The following ZBTB43 variants were observed in gnomAD, a reference collection of about 807,000 sequenced individuals.
ZBTB43 encodes zinc finger and BTB domain-containing protein 43.
ZBTB43 carries 6 observed loss-of-function variants against 31.1 expected under a neutral mutation model. The observed-to-expected ratio is 0.19, with a 90% CI of 0.11 to 0.38. The LOEUF is 0.38. Ranked by LOEUF, ZBTB43 falls within the 10% of genes least tolerant of loss-of-function variation. The pLI is 1.00. For missense variants in ZBTB43, 379 were observed against 602.1 expected, an observed-to-expected ratio of 0.63 and a Z score of 3.88; for synonymous variants, 212 against 221.7, an observed-to-expected ratio of 0.96 and a Z score of 0.39.
rs1282067170 is a variant in ZBTB43, at chr9:126,835,120, A to G, written c.*1207A>G. The G allele has an allele frequency of 1.2e-5, 2 of 167,086 alleles. No homozygotes were observed. Among genetic ancestry groups the G allele is most frequent in the African/African-American group, 2.4e-5 (1 of 41,448 alleles). The allele number at this position is 167,086 out of a possible 1,614,324, so 10.4% of individuals were successfully genotyped here. On this transcript the variant is annotated 3_prime_UTR_variant, in exon 3 of 3. Transcript: ENST00000373464. ...TTATGAGCACTGGAATGTGTTTGTA[A>G]AAGGAGTCCTAAGTTTAGCAAGGTA... is the stretch of plus-strand genomic sequence containing the variant.
intron 2 of ZBTB43, among the ~76,000 whole-genome samples, chr9:126,820,499 A>G (rs899256907): frequency 2.0e-5 from 3 of 152,216 alleles, no homozygotes; most frequent in African/African-American, 7.2e-5. Flanking sequence ...CCTACTGCTC[A>G]GAAAAAGATT....
intron 2 of ZBTB43, among the ~76,000 whole-genome samples, chr9:126,810,177 C>G (rs182837294): frequency 2.7e-5 from 4 of 150,906 alleles, no homozygotes; most frequent in Non-Finnish European, 5.9e-5. Flanking sequence ...TTTGTTTGTT[C>G]ATTTGTTTGT....
At chr9:126,826,850 T>C (rs1177687860) in intron 2 of ZBTB43, among the ~76,000 whole-genome samples, 1 of 152,224 alleles carries the variant, frequency 6.6e-6, no homozygotes, top group Non-Finnish European at 1.5e-5. Context: ...CTTTTGTTCT[T>C]TGAGCATATT....
chr9:126,805,768 A>G (rs1331164460), intron 1 of ZBTB43, among the ~76,000 whole-genome samples: 1 of 152,012 alleles, frequency 6.6e-6, no homozygotes, highest in East Asian at 1.9e-4. Flanking sequence ...CCCTTACTCT[A>G]ATTCAGGGCC....
At chr9:126,826,827 T>G (rs2032652653) in intron 2 of ZBTB43, among the ~76,000 whole-genome samples, 1 of 152,216 alleles carries the variant, frequency 6.6e-6, no homozygotes, top group Non-Finnish European at 1.5e-5. Context: ...TTCTTTACTT[T>G]ATTCATTATT....
At chr9:126,827,384 C>T (rs1275395440) in intron 2 of ZBTB43, among the ~76,000 whole-genome samples, 1 of 152,216 alleles carries the variant, frequency 6.6e-6, no homozygotes, top group Non-Finnish European at 1.5e-5. Flanking sequence ...CCTTCCTCCA[C>T]CCCCTCCTCT....
chr9:126,820,384 A>G (rs1303234056), intron 2 of ZBTB43, among the ~76,000 whole-genome samples: 1 of 152,172 alleles, frequency 6.6e-6, no homozygotes, highest in East Asian at 1.9e-4. Flanking sequence ...GCCCTTAAGA[A>G]TTATGCTAAG....
At chr9:126,810,575 A>G (rs1449946035) in intron 2 of ZBTB43, among the ~76,000 whole-genome samples, 1 of 134,896 alleles carries the variant, frequency 7.4e-6, no homozygotes, top group Non-Finnish European at 1.5e-5. Context: ...ATCTTGGCTC[A>G]CTGCGACCTC....
chr9:126,822,769 T>G (rs1399958733), intron 2 of ZBTB43, among the ~76,000 whole-genome samples: 1 of 152,008 alleles, frequency 6.6e-6, no homozygotes, highest in African/African-American at 2.4e-5. Flanking sequence ...AAGAAATTGC[T>G]ACAGCCACCC....
In ZBTB43 at chr9:126,837,699, A is replaced by C. The variant is rs992053860; in HGVS notation, c.*3786A>C. The C allele has an allele frequency of 6.0e-6, 1 of 166,986 alleles. No homozygotes were observed. Among genetic ancestry groups the C allele is most frequent in the African/African-American group, 2.4e-5 (1 of 41,418 alleles). 10.3% of individuals were successfully genotyped at this position (166,986 alleles called of 1,614,324 possible). On this transcript the variant is annotated 3_prime_UTR_variant, in exon 3 of 3. Transcript: ENST00000373464. Reference sequence around the variant, plus strand: ...TTTAGGTTGCTTTAGTGGGTGACTAACTTTTGTTCAGTGAAACCAGGGTTT... The same window carrying C: ...TTTAGGTTGCTTTAGTGGGTGACTACCTTTTGTTCAGTGAAACCAGGGTTT...
intron 2 of ZBTB43, among the ~76,000 whole-genome samples, chr9:126,823,321 TA>T (rs2119144833): frequency 6.6e-6 from 1 of 152,366 alleles, no homozygotes; most frequent in Non-Finnish European, 1.5e-5. Flanking sequence ...ATAATTGTTA[TA>T]TTTTCTTGAT....
At chr9:126,804,874 A>C (rs910107858), upstream of ZBTB43, 1 of 152,498 alleles carries the variant, frequency 6.6e-6, no homozygotes, top group Non-Finnish European at 1.5e-5. Context: ...CCCGCTCCAG[A>C]GTGTACTGCG....
rs554122460 is a variant in ZBTB43 at position 126,826,494 on chromosome 9, C to T, written c.-23-5993C>T. Among the ~76,000 whole-genome samples the T allele has an allele frequency of 7.1e-5, 7 of 98,340 alleles. No individual in the cohort carries two copies. In the East Asian group the frequency reaches 1.5e-3, roughly 21 times the overall value. 64.5% of individuals were successfully genotyped at this position (98,340 alleles called of 152,430 possible). ...TTTTTTTTTTTTTGAGACAGAATCT[C>T]GTATTGTTTCCCAGGCTGGAGTGCA... On this transcript the variant is annotated intron_variant, in intron 2 of 2. Coordinates refer to ENST00000373464, the MANE Select transcript of ZBTB43 (RefSeq NM_014007.4).
At chr9:126,828,648 A>ATTATTATTATTATTATT (rs1554742722) in intron 2 of ZBTB43, among the ~76,000 whole-genome samples, 97 of 133,736 alleles carry the variant, frequency 7.3e-4, no homozygotes, top group African/African-American at 2.9e-3. Context: ...TAATAATAAT[A>ATTATTATTATTATTATT]ATAATAATTA....
At chr9:126,806,656 AAAAAC>A (rs1274060118) in intron 1 of ZBTB43, among the ~76,000 whole-genome samples, 1 of 152,232 alleles carries the variant, frequency 6.6e-6, no homozygotes, top group Non-Finnish European at 1.5e-5. Flanking sequence ...ATACAATACA[AAAAAC>A]AAAAACAGTA....
At chr9:126,826,102 C>G (rs1223077851) in intron 2 of ZBTB43, among the ~76,000 whole-genome samples, 2 of 151,508 alleles carry the variant, frequency 1.3e-5, no homozygotes, top group African/African-American at 4.9e-5. Flanking sequence ...CAACCTCCAC[C>G]TCCCGGGTTC....
chr9:126,807,068 A>T (rs568944617), intron 1 of ZBTB43, among the ~76,000 whole-genome samples: 1 of 152,276 alleles, frequency 6.6e-6, no homozygotes, highest in Admixed American at 6.5e-5. Flanking sequence ...TTTGTTTTTT[A>T]AAATCTCTTA....
intron 1 of ZBTB43, among the ~76,000 whole-genome samples, chr9:126,806,969 T>G (rs969228710): frequency 4.6e-5 from 7 of 152,220 alleles, no homozygotes; most frequent in Non-Finnish European, 8.8e-5. Flanking sequence ...GGAAGAAAAC[T>G]CATAAGGTTG....
rs2032884772 is a variant in ZBTB43 at position 126,836,625 on chromosome 9, T to G, written c.*2712T>G. ...TCTCTTCTCTTCACCTCAATATAGC[T>G]TTAGAAAATCTTTATCCTTCCTAAT... On this transcript the variant is annotated 3_prime_UTR_variant, in exon 3 of 3. Coordinates refer to ENST00000373464, the MANE Select transcript of ZBTB43 (RefSeq NM_014007.4). 1 of 167,092 alleles carries G rather than the reference T, an allele frequency of 6.0e-6. No individual in the cohort carries two copies. The highest frequency in any genetic ancestry group is 1.5e-5 in the Non-Finnish European group (1 of 68,120). The allele number at this position is 167,092 out of a possible 1,614,324, so 10.4% of individuals were successfully genotyped here.
Sources: allele counts gnomAD v4.1 joint callset (sites outside exome capture counted in the v4.1 genomes callset), GRCh38; gene constraint gnomAD v4.1.1; transcripts MANE v1.5; gene names NCBI Gene and HGNC (gene_info 2026-07-23, HGNC 2026-07-21).